The following INPP4B variants were observed in gnomAD, a reference collection of about 807,000 sequenced individuals.
INPP4B encodes inositol polyphosphate-4-phosphatase type II B, also known as inositol polyphosphate 4-phosphatase type II.
In INPP4B, 55 loss-of-function variants were observed where a neutral mutation model predicts 122.5. The ratio of observed to expected loss-of-function variants is 0.45; its 90% CI spans 0.36 to 0.56. INPP4B has a LOEUF of 0.56. INPP4B is among the 20% of genes least tolerant of loss of function. INPP4B has a pLI of 0.00. For synonymous variants in INPP4B, 403 were observed against 388.7 expected (o/e 1.04, Z -0.43); for missense variants, 1,000 against 1,097.7 (o/e 0.91, Z 1.26).
At chr4:142,425,482 C>A (rs1490822338) in intron 5 of INPP4B, among the ~76,000 whole-genome samples, 1 of 151,294 alleles carries the variant, frequency 6.6e-6, no homozygotes, top group Admixed American at 6.6e-5. Flanking sequence ...CTGGTCAAAT[C>A]ACTAACCTAA....
chr4:142,215,434 T>G (rs546707699), intron 12 of INPP4B, among the ~76,000 whole-genome samples: 1 of 152,324 alleles, frequency 6.6e-6, no homozygotes, highest in Non-Finnish European at 1.5e-5. Flanking sequence ...CTTTAAAAAC[T>G]AAACCTGAAC....
intron 7 of INPP4B, among the ~76,000 whole-genome samples, chr4:142,353,967 G>A (rs1782758338): frequency 6.6e-6 from 1 of 151,568 alleles, no homozygotes; most frequent in Non-Finnish European, 1.5e-5. Flanking sequence ...ATGAAATTTT[G>A]TTCAATAACT....
At chr4:142,412,689 C>T (rs1171458786) in intron 5 of INPP4B, among the ~76,000 whole-genome samples, 1 of 152,170 alleles carries the variant, frequency 6.6e-6, no homozygotes, top group Non-Finnish European at 1.5e-5. Context: ...TCTGTATTCT[C>T]TGTAAAATCT....
At chr4:142,744,368 G>A (rs966142885) in intron 1 of INPP4B, among the ~76,000 whole-genome samples, 1 of 151,738 alleles carries the variant, frequency 6.6e-6, no homozygotes, top group African/African-American at 2.4e-5. Flanking sequence ...GAAAAAAATA[G>A]AATATAAAGT....
chr4:142,718,958 A>T (rs1291724396), intron 2 of INPP4B, among the ~76,000 whole-genome samples: 1 of 152,192 alleles, frequency 6.6e-6, no homozygotes, highest in East Asian at 1.9e-4. Context: ...TCACTATACC[A>T]ACTAAAAAAA....
At chr4:142,603,951 G>T (rs1326303669) in intron 2 of INPP4B, among the ~76,000 whole-genome samples, 1 of 151,368 alleles carries the variant, frequency 6.6e-6, no homozygotes, top group Non-Finnish European at 1.5e-5. Context: ...CAATACCCCT[G>T]CTGAACATAG....
chr4:142,801,028 G>A (rs1777927603), intron 1 of INPP4B, among the ~76,000 whole-genome samples: 1 of 151,858 alleles, frequency 6.6e-6, no homozygotes, highest in African/African-American at 2.4e-5. Context: ...ATTGTCAAGA[G>A]ATAAAGATGG....
chr4:142,373,233 A>T (rs17016021), intron 7 of INPP4B, among the ~76,000 whole-genome samples: 3,245 of 152,108 alleles, frequency 0.021, 138 homozygotes, highest in African/African-American at 0.074. Context: ...CCTTTCATAA[A>T]GCAGAAAGTG....
chr4:142,481,441 C>T (rs1355016688), intron 2 of INPP4B, among the ~76,000 whole-genome samples: 1 of 152,124 alleles, frequency 6.6e-6, no homozygotes, highest in Non-Finnish European at 1.5e-5. Context: ...AGAGGAATCC[C>T]TCTAATGAGA....
intron 23 of INPP4B, among the ~76,000 whole-genome samples, chr4:142,099,990 C>T (rs758422903): frequency 4.5e-4 from 68 of 152,210 alleles, no homozygotes; most frequent in Non-Finnish European, 6.9e-4. Flanking sequence ...ATCACCAGGA[C>T]GGCTTGTTAA....
chr4:142,146,951 C>T (rs909823149), intron 17 of INPP4B, among the ~76,000 whole-genome samples: 7 of 152,168 alleles, frequency 4.6e-5, no homozygotes, highest in Non-Finnish European at 8.8e-5. Flanking sequence ...TTCTTTGATT[C>T]ACAAAATTGC....
At chr4:142,622,384 C>T (rs2150377714) in intron 2 of INPP4B, among the ~76,000 whole-genome samples, 1 of 151,510 alleles carries the variant, frequency 6.6e-6, no homozygotes, top group African/African-American at 2.4e-5. Context: ...CCAAGATGCC[C>T]AGGTGCTCCC....
At chr4:142,559,133 G>A (rs1729904751) in intron 2 of INPP4B, among the ~76,000 whole-genome samples, 1 of 152,126 alleles carries the variant, frequency 6.6e-6, no homozygotes, top group South Asian at 2.1e-4. Context: ...AAGGATTAAT[G>A]CACTCTCAGT....
At chr4:142,031,062 TA>T (rs920176241) in intron 25 of INPP4B, among the ~76,000 whole-genome samples, 4 of 151,988 alleles carry the variant, frequency 2.6e-5, no homozygotes, top group African/African-American at 9.7e-5. Context: ...ACTTTCTGTG[TA>T]AATAAAAAAA....
intron 2 of INPP4B, among the ~76,000 whole-genome samples, chr4:142,641,125 A>G (rs1053828852): frequency 6.6e-6 from 1 of 152,162 alleles, no homozygotes; most frequent in Non-Finnish European, 1.5e-5. Context: ...CATGCACAAG[A>G]ATGTTACAGC....
intron 12 of INPP4B, among the ~76,000 whole-genome samples, chr4:142,222,122 G>A (rs1451878997): frequency 6.6e-6 from 1 of 152,156 alleles, no homozygotes; most frequent in African/African-American, 2.4e-5. Flanking sequence ...ACCACACCCA[G>A]CTAATTTTTG....
intron 12 of INPP4B, among the ~76,000 whole-genome samples, chr4:142,228,069 T>C (rs975901801): frequency 4.6e-5 from 7 of 151,880 alleles, no homozygotes; most frequent in African/African-American, 1.7e-4. Flanking sequence ...AATGGAAACA[T>C]GCACGTCAAG....
intron 2 of INPP4B, among the ~76,000 whole-genome samples, chr4:142,465,175 T>A (rs867117902): frequency 6.6e-6 from 1 of 152,284 alleles, no homozygotes; most frequent in South Asian, 2.1e-4. Context: ...ACTGTGCAAG[T>A]CTAAAGGACA....
At chr4:142,074,440 T>G (rs1769334370) in intron 25 of INPP4B, among the ~76,000 whole-genome samples, 1 of 152,156 alleles carries the variant, frequency 6.6e-6, no homozygotes, top group South Asian at 2.1e-4. Context: ...TGGGAACACA[T>G]GTGCATGCCT....
Sources: allele counts gnomAD v4.1 joint callset (sites outside exome capture counted in the v4.1 genomes callset), GRCh38; gene constraint gnomAD v4.1.1; transcripts MANE v1.5; gene names NCBI Gene and HGNC (gene_info 2026-07-23, HGNC 2026-07-21).